The following AMER3 variants were observed in gnomAD, a reference collection of about 807,000 sequenced individuals.
AMER3 encodes the protein APC membrane recruitment protein 3, also known as family with sequence similarity 123C.
For synonymous variants in AMER3, 541 were observed against 485.5 expected, an observed-to-expected ratio of 1.11 and a Z score of -1.50; for missense variants, 1,201 against 1,139.4, an observed-to-expected ratio of 1.05 and a Z score of -0.78.
At position 130,763,166 on chromosome 2, in the gene AMER3, G is replaced by A. The variant is rs1275313341; in HGVS notation, c.1094G>A (p.Ser365Asn). 4.3e-6 allele frequency: 7 copies of A among 1,613,390 alleles called. No homozygotes were observed. The African/African-American group carries it at 9.3e-5, about 22-fold the overall frequency. The change falls in exon 2 of 2, where the codon AGC becomes AAC. Residue 365 changes from serine (S) to asparagine (N), a missense_variant. Coordinates refer to ENST00000321420, the MANE Select transcript of AMER3 (RefSeq NM_152698.3). ...GACCCTCGCAGCGGCTCCAAAGCCA[G>A]CTCCATCGACACAGGCACCCCCAAG... Reference protein sequence around the residue: ...CRDPRSGSKASSIDTGTPKSE... With the variant: ...CRDPRSGSKANSIDTGTPKSE...
At chr2:130,757,266 T>C (rs1169312115) in intron 1 of AMER3, among the ~76,000 whole-genome samples, 2 of 152,170 alleles carry the variant, frequency 1.3e-5, no homozygotes, top group Non-Finnish European at 2.9e-5. Flanking sequence ...TTTGCCCAAT[T>C]TGCAATAAAT....
rs1381427420 is a variant in AMER3, at chr2:130,763,551, C to T, written c.1479C>T (p.Cys493=). 10 of 1,612,314 alleles carry T rather than the reference C, an allele frequency of 6.2e-6. No homozygotes were observed. Among genetic ancestry groups the T allele is most frequent in the Non-Finnish European group, 8.5e-6 (10 of 1,179,856 alleles). ...FLQSSWKGKE[C]LLKLCDTELA... ...AGAGCTCCTGGAAGGGCAAGGAGTG[C>T]CTGCTGAAGCTGTGTGACACTGAGC... Residue 493 remains cysteine (C), a synonymous_variant, in exon 2 of 2, where the codon TGC becomes TGT. Transcript: ENST00000321420.
At position 130,764,749 on chromosome 2, in the gene AMER3, G is replaced by A. The variant is rs2104787649; in HGVS notation, c.*91G>A. On this transcript the variant is annotated 3_prime_UTR_variant, in exon 2 of 2. Coordinates refer to ENST00000321420, the MANE Select transcript of AMER3 (RefSeq NM_152698.3). ...CAAATCTCTATCTTTTGTCCCTGATGTGGGGACTGTGTTGGGGGTGGGGGG... is the reference window on the plus strand; with the variant it reads ...CAAATCTCTATCTTTTGTCCCTGATATGGGGACTGTGTTGGGGGTGGGGGG... 7.2e-7 allele frequency: 1 copy of A among 1,384,244 alleles called. No homozygotes were observed. Among genetic ancestry groups the A allele is most frequent in the Non-Finnish European group, 9.7e-7 (1 of 1,035,978 alleles). The allele number at this position is 1,384,244 out of a possible 1,614,324, so 85.7% of individuals were successfully genotyped here.
chr2:130,763,616 G>T lies in AMER3; in HGVS notation c.1544G>T (p.Gly515Val), dbSNP rs377036438. The T allele has an allele frequency of 3.3e-5, 51 of 1,566,592 alleles. No homozygotes were observed. The African/African-American group carries it at 6.5e-4, about 20-fold the overall frequency. Residue 515 changes from glycine (G) to valine (V), a missense_variant, in exon 2 of 2, where the codon GGC (glycine) becomes GTC (valine). Physicochemically the swap from Gly to Val is moderately radical, Grantham distance 109 (BLOSUM62 -3). Transcript: ENST00000321420. ...TMGIVSWLRRGPTPRAPPTPG... is the reference protein window; with the variant it reads ...TMGIVSWLRRVPTPRAPPTPG... ...GGCATCGTCAGCTGGCTGCGCCGAGGCCCCACGCCCCGTGCCCCACCCACC... is the reference window on the plus strand; with the variant it reads ...GGCATCGTCAGCTGGCTGCGCCGAGTCCCCACGCCCCGTGCCCCACCCACC...
intron 1 of AMER3, among the ~76,000 whole-genome samples, chr2:130,760,056 G>C (rs182938334): frequency 5.9e-5 from 9 of 152,332 alleles, no homozygotes; most frequent in Admixed American, 3.3e-4. Context: ...CAGGTGCAGG[G>C]TGGGAAAGAC....
Position 130,763,931 on chromosome 2 carries a change from C to T in AMER3, c.1859C>T (p.Ala620Val). Residue 620 changes from alanine to valine, a missense_variant, in exon 2 of 2, where the codon GCC (alanine) becomes GTC (valine). Coordinates refer to ENST00000321420, the MANE Select transcript of AMER3 (RefSeq NM_152698.3). ...TTGTTCTCCTCTATGGAGTCTGCAG[C>T]CACTTCGACAACAGATACTTCCGGT... The part of the protein sequence containing the change: ...EGLFSSMESA[A>V]TSTTDTSGKN... 6.2e-7 allele frequency: 1 copy of T among 1,613,790 alleles called. No individual in the cohort carries two copies.
rs1678976502 is a variant in AMER3, at chr2:130,766,126, AT to A, written c.*1471del. On this transcript the variant is annotated 3_prime_UTR_variant, in exon 2 of 2. Coordinates refer to ENST00000321420, the MANE Select transcript of AMER3 (RefSeq NM_152698.3). The stretch of plus-strand genomic sequence containing the variant: ...ATGTTAGGGATTTGAAACTTTAGAG[AT>A]TTGCGTCTTTCAGTATTTCAATGTT... The A allele has an allele frequency of 6.0e-6, 1 of 166,818 alleles. No individual in the cohort carries two copies. The highest frequency in any genetic ancestry group is 2.4e-5 in the African/African-American group (1 of 41,398). 10.3% of individuals were successfully genotyped at this position (166,818 alleles called of 1,614,324 possible).
intron 1 of AMER3, among the ~76,000 whole-genome samples, chr2:130,759,710 G>A (rs1478875592): frequency 1.3e-5 from 2 of 152,214 alleles, no homozygotes; most frequent in Non-Finnish European, 2.9e-5. Context: ...CCACAAAAGA[G>A]TCTGAGCTGT....
chr2:130,763,404 G>T lies in AMER3; in HGVS notation c.1332G>T (p.Val444=). The change falls in exon 2 of 2, where the codon GTG becomes GTT. Residue 444 remains valine, a synonymous_variant. Transcript: ENST00000321420. ...CCAGCCCAGATGATGACCTGTGCGT[G>T]TCTGAGAGTCTGTCAGGGCCGGCCC... ...LGPSPDDDLC[V]SESLSGPALG... 6.2e-7 allele frequency: 1 copy of T among 1,613,086 alleles called. No homozygotes were observed. The highest frequency in any genetic ancestry group is 8.5e-7 in the Non-Finnish European group (1 of 1,180,002).
At position 130,762,430 on chromosome 2, in the gene AMER3, TC is replaced by T; in HGVS notation, c.362del (p.Pro121ArgfsTer6). 1.2e-6 allele frequency: 2 copies of T among 1,612,636 alleles called. No individual in the cohort carries two copies. The highest frequency in any genetic ancestry group is 8.5e-7 in the Non-Finnish European group (1 of 1,179,864). ...QLVGSASFPG[S>X]PGSRRMIDYR... is the part of the protein sequence containing the mutation. ...GGTGGGCAGTGCAAGCTTCCCGGGC[TC>T]CCCGGGCAGCCGGCGCATGATCGAC... On this transcript the variant is annotated frameshift_variant, in exon 2 of 2. Coordinates refer to ENST00000321420, the MANE Select transcript of AMER3 (RefSeq NM_152698.3). LOFTEE classifies it low-confidence loss of function (END_TRUNC).
chr2:130,762,335 C>G lies in AMER3; in HGVS notation c.263C>G (p.Pro88Arg), dbSNP rs778664237. 6.2e-7 allele frequency: 1 copy of G among 1,610,690 alleles called. No individual in the cohort carries two copies. The highest frequency in any genetic ancestry group is 8.5e-7 in the Non-Finnish European group (1 of 1,179,096). The change falls in exon 2 of 2, where the codon CCG becomes CGG. Residue 88 changes from proline to arginine, a missense_variant. Transcript: ENST00000321420. ...PAALCGATFK[P>R]VRKCKTHDSM... ...GCCCTCTGTGGAGCCACCTTCAAAC[C>G]GGTGCGAAAGTGCAAGACTCACGAC...
In AMER3 at chr2:130,763,017, C is replaced by T. The variant is rs747211046; in HGVS notation, c.945C>T (p.Arg315=). Residue 315 remains arginine (R), a synonymous_variant, in exon 2 of 2, where the codon CGC becomes CGT. Transcript: ENST00000321420. ...CCAGGTTCTGGGACAGTGTGAATCG[C>T]TCAGTGCGTCAGCAGCAGCGTGCCC... ...DFTRFWDSVN[R]SVRQQQRALL... 40 of 1,613,228 alleles carry T rather than the reference C, an allele frequency of 2.5e-5. No individual in the cohort carries two copies. The highest frequency in any genetic ancestry group is 3.1e-5 in the Non-Finnish European group (36 of 1,179,988).
In AMER3 at chr2:130,763,884, G is replaced by A. The variant is rs929288270; in HGVS notation, c.1812G>A (p.Glu604=). The part of the protein sequence containing the change: ...TLSRDASREE[E]TRGHSEGLFS... ...CCAGGGATGCCTCTCGAGAGGAAGAGACACGAGGTCACTCTGAAGGCTTGT... is the reference window on the plus strand; with the variant it reads ...CCAGGGATGCCTCTCGAGAGGAAGAAACACGAGGTCACTCTGAAGGCTTGT... The change falls in exon 2 of 2, where the codon GAG becomes GAA. Residue 604 remains glutamate, a synonymous_variant. Coordinates refer to ENST00000321420, the MANE Select transcript of AMER3 (RefSeq NM_152698.3). 2 of 1,613,592 alleles carry A rather than the reference G, an allele frequency of 1.2e-6. No individual in the cohort carries two copies. Among genetic ancestry groups the A allele is most frequent in the Non-Finnish European group, 1.7e-6 (2 of 1,180,030 alleles).
chr2:130,758,495 A>G (rs1678680240), intron 1 of AMER3, among the ~76,000 whole-genome samples: 1 of 152,246 alleles, frequency 6.6e-6, no homozygotes, highest in African/African-American at 2.4e-5. Context: ...CATAAACTGT[A>G]TCACAGAATT....
chr2:130,764,439 C>T lies in AMER3; in HGVS notation c.2367C>T (p.Ser789=). 2 of 1,606,390 alleles carry T rather than the reference C, an allele frequency of 1.2e-6. No individual in the cohort carries two copies. The highest frequency in any genetic ancestry group is 1.7e-6 in the Non-Finnish European group (2 of 1,177,050). The change falls in exon 2 of 2, where the codon AGC becomes AGT. Residue 789 remains serine, a synonymous_variant. Transcript: ENST00000321420. ...CTGTGGAGCAGGTGGCACACGGCAG[C>T]CAGCTGGACTCTGAGCCCCGCTCAG... ...TEAVEQVAHG[S]QLDSEPRSAP...
rs1184244821 is a variant in AMER3 at position 130,762,558 on chromosome 2, C to T, written c.486C>T (p.Asn162=). 1.2e-6 allele frequency: 2 copies of T among 1,613,464 alleles called. No homozygotes were observed. Among genetic ancestry groups the T allele is most frequent in the South Asian group, 1.1e-5 (1 of 91,082 alleles). ...SLKRPKKCFR[N]LFHIRRNKTE... is the part of the protein sequence containing the mutation. Reference sequence around the variant, plus strand: ...AGAGGCCCAAGAAGTGCTTTCGGAACCTATTCCACATTCGGAGAAACAAGA... The same window carrying T: ...AGAGGCCCAAGAAGTGCTTTCGGAATCTATTCCACATTCGGAGAAACAAGA... The change falls in exon 2 of 2, where the codon AAC becomes AAT. Residue 162 remains asparagine (N), a synonymous_variant. Coordinates refer to ENST00000321420, the MANE Select transcript of AMER3 (RefSeq NM_152698.3).
chr2:130,764,542 G>A lies in AMER3; in HGVS notation c.2470G>A (p.Gly824Arg), dbSNP rs1178678040. ...CACTTTGAACAGCCAGCAGGAAGGG[G>A]GGGTCTCTGCAAGTGCCCCAGAATG... ...GLTLNSQQEG[G>R]VSASAPECRC... The change falls in exon 2 of 2, where the codon GGG (glycine) becomes AGG (arginine). Residue 824 changes from glycine (G) to arginine (R), a missense_variant. Physicochemically the swap from Gly to Arg is moderately radical, Grantham distance 125 (BLOSUM62 -2). Transcript: ENST00000321420. 6.2e-7 allele frequency: 1 copy of A among 1,604,196 alleles called. No individual in the cohort carries two copies. Among genetic ancestry groups the A allele is most frequent in the Non-Finnish European group, 8.5e-7 (1 of 1,176,124 alleles).
rs1224624921 is a variant in AMER3, at chr2:130,762,844, A to G, written c.772A>G (p.Ser258Gly). 2 of 1,613,378 alleles carry G rather than the reference A, an allele frequency of 1.2e-6. No individual in the cohort carries two copies. Among genetic ancestry groups the G allele is most frequent in the Non-Finnish European group, 1.7e-6 (2 of 1,179,978 alleles). ...TTGTGGGGAGGTGTTCGCAGATGAG[A>G]GCTCGGTGCCATCTCTGGAGCTGAA... ...TGCGEVFADE[S>G]SVPSLELNEG... The change falls in exon 2 of 2, where the codon AGC (serine) becomes GGC (glycine). Residue 258 changes from serine (S) to glycine (G), a missense_variant. Ser to Gly is a moderately conservative substitution (Grantham distance 56). Coordinates refer to ENST00000321420, the MANE Select transcript of AMER3 (RefSeq NM_152698.3).
chr2:130,756,402 G>T (rs1302514608), intron 1 of AMER3: 1 of 152,172 alleles, frequency 6.6e-6, no homozygotes, highest in Non-Finnish European at 1.5e-5. Flanking sequence ...AAGGCCCCGA[G>T]AGGCTGCGTT....
Sources: allele counts gnomAD v4.1 joint callset (sites outside exome capture counted in the v4.1 genomes callset), GRCh38; gene constraint gnomAD v4.1.1; transcripts MANE v1.5; gene names NCBI Gene and HGNC (gene_info 2026-07-23, HGNC 2026-07-21).